BTBD16: variants seen among roughly 807,000 people sequenced by gnomAD.
BTBD16 encodes BTB/POZ domain-containing protein 16.
A neutral mutation model predicts 67.4 loss-of-function variants in BTBD16; 66 were observed. The observed-to-expected ratio is 0.98, with a 90% CI of 0.80 to 1.20. The LOEUF (loss-of-function observed/expected upper bound fraction) is 1.20. Among genes scored for constraint, BTBD16 ranks in the 50% most tolerant of loss-of-function variants. The pLI, the probability that BTBD16 is intolerant of heterozygous loss-of-function variation, is 0.00. For missense variants in BTBD16, 634 were observed against 616.0 expected, an observed-to-expected ratio of 1.03 and a Z score of -0.31; for synonymous variants, 242 against 236.4, an observed-to-expected ratio of 1.02 and a Z score of -0.22.
chr10:122,314,752 A>T (rs1031746798), intron 10 of BTBD16, among the ~76,000 whole-genome samples: 1 of 152,108 alleles, frequency 6.6e-6, no homozygotes, highest in Non-Finnish European at 1.5e-5. Context: ...TAGACTGTAC[A>T]TTCTCTTGTA....
chr10:122,337,460 CGTTTT>C (rs1171225146), intron 15 of BTBD16, among the ~76,000 whole-genome samples: 6 of 151,840 alleles, frequency 4.0e-5, no homozygotes, highest in African/African-American at 1.2e-4. Context: ...TTTTTTTGTT[CGTTTT>C]GTTTTGTTTT....
chr10:122,329,565 A>G lies in BTBD16; in HGVS notation c.997A>G (p.Thr333Ala). 1.2e-6 allele frequency: 2 copies of G among 1,613,612 alleles called. No individual in the cohort carries two copies. The highest frequency in any genetic ancestry group is 2.2e-5 in the East Asian group (1 of 44,878). The change falls in exon 11 of 16, where the codon ACC (threonine) becomes GCC (alanine). Residue 333 changes from threonine to alanine, a missense_variant. Transcript: ENST00000260723. ...CCTCTGCTTGCGTCTGCACGGCATC[A>G]CCAAAGGTAAGCCCCAGTCCAGGCG... ...LFLCLRLHGI[T>A]KGKDLEVLRH...
At chr10:122,288,539 C>T (rs1305532946) in intron 5 of BTBD16, among the ~76,000 whole-genome samples, 2 of 152,126 alleles carry the variant, frequency 1.3e-5, no homozygotes, top group East Asian at 1.9e-4. Flanking sequence ...CCATGTGCTG[C>T]GTTCATTCAG....
Position 122,325,116 on chromosome 10 carries a change from G to C in BTBD16, c.912-4364G>C, listed in dbSNP as rs188198403. Among the ~76,000 whole-genome samples the C allele has an allele frequency of 4.3e-4, 66 of 152,354 alleles. 1 individual carries two copies. In the South Asian group the frequency reaches 7.0e-3, roughly 16 times the overall value. The stretch of plus-strand genomic sequence containing the variant: ...ACTGGCCTGTATGTGCAGCAAGTGT[G>C]TGTGAGCATGTGCACCAGGGCTGGC... On this transcript the variant is annotated intron_variant, in intron 10 of 15. Coordinates refer to ENST00000260723, the MANE Select transcript of BTBD16 (RefSeq NM_144587.5).
intron 15 of BTBD16, 45 bp downstream of exon 15, chr10:122,336,727 T>G (rs771836327): frequency 6.7e-7 from 1 of 1,499,712 alleles, no homozygotes; most frequent in South Asian, 1.4e-5. Context: ...TTTTGCTCTT[T>G]CTCTCCCCCA....
chr10:122,273,348 T>C lies in BTBD16; in HGVS notation c.-42-1692T>C, dbSNP rs547796117. 2.0e-5 allele frequency among the ~76,000 whole-genome samples: 3 copies of C among 152,016 alleles called. No individual in the cohort carries two copies. The South Asian group carries it at 6.2e-4, about 32-fold the overall frequency. On this transcript the variant is annotated intron_variant, in intron 1 of 15. Transcript: ENST00000260723. ...ACTGCCATAATAATGTGTATGCATATTGTTCCCATTGTTTTTATTATGGGA... is the reference window on the plus strand; with the variant it reads ...ACTGCCATAATAATGTGTATGCATACTGTTCCCATTGTTTTTATTATGGGA...
chr10:122,302,203 T>C (rs942057231), intron 9 of BTBD16, among the ~76,000 whole-genome samples: 11 of 152,226 alleles, frequency 7.2e-5, no homozygotes, highest in Non-Finnish European at 2.9e-5. Context: ...CTTCAGCTTT[T>C]GCTTTCCATT....
At chr10:122,318,219 G>T (rs2096429561) in intron 10 of BTBD16, among the ~76,000 whole-genome samples, 1 of 152,042 alleles carries the variant, frequency 6.6e-6, no homozygotes, top group African/African-American at 2.4e-5. Context: ...TATATAGAAT[G>T]TTATATAAAT....
chr10:122,326,221 A>G (rs7088976), intron 10 of BTBD16, among the ~76,000 whole-genome samples: 2,813 of 152,240 alleles, frequency 0.018, 53 homozygotes, highest in African/African-American at 0.056. Flanking sequence ...AATTTTTCCC[A>G]TGTGAACCAT....
chr10:122,331,247 C>T lies in BTBD16; in HGVS notation c.1075C>T (p.His359Tyr), dbSNP rs1241845742. ...ATGGCTCGACCAGGTTACAGTCAAC[C>T]ATTACCACGCAGTGAGTTGCCTGCT... ...ESWLDQVTVNHYHALENGGDM... is the reference protein window; with the variant it reads ...ESWLDQVTVNYYHALENGGDM... The change falls in exon 12 of 16, where the codon CAT (histidine) becomes TAT (tyrosine). Residue 359 changes from histidine to tyrosine, a missense_variant. Transcript: ENST00000260723. 1.9e-6 allele frequency: 3 copies of T among 1,613,700 alleles called. No individual in the cohort carries two copies. The Admixed American group carries it at 5.0e-5, about 27-fold the overall frequency.
intron 13 of BTBD16, among the ~76,000 whole-genome samples, chr10:122,334,194 C>CTT (rs71301565): frequency 1.4e-4 from 13 of 93,132 alleles, no homozygotes; most frequent in Non-Finnish European, 2.0e-4. Context: ...GTCCTCTTGA[C>CTT]TTTTTTTTTT....
intron 5 of BTBD16, among the ~76,000 whole-genome samples, chr10:122,289,139 A>G (rs2096369188): frequency 6.6e-6 from 1 of 152,164 alleles, no homozygotes; most frequent in Admixed American, 6.5e-5. Context: ...GGGACACCTC[A>G]GTCCCATGTT....
intron 5 of BTBD16, among the ~76,000 whole-genome samples, chr10:122,289,287 G>A (rs181047551): frequency 9.9e-4 from 151 of 152,274 alleles, no homozygotes; most frequent in African/African-American, 3.5e-3. Flanking sequence ...TCATAAATAT[G>A]TAAAATGCAG....
chr10:122,287,196 C>T (rs993337204), intron 5 of BTBD16, among the ~76,000 whole-genome samples: 3 of 152,204 alleles, frequency 2.0e-5, no homozygotes, highest in Non-Finnish European at 2.9e-5. Flanking sequence ...GCTCATGAGC[C>T]TCTGTGCTCT....
At position 122,332,528 on chromosome 10, in the gene BTBD16, A is replaced by G. The variant is rs1488995278; in HGVS notation, c.1164+15A>G. ...TCTTTAACCAGGTACTGAGAACTGT[A>G]CCCGAACAAGGGGAAGAACTGTTCC... On this transcript the variant is annotated intron_variant, in intron 13 of 15. Coordinates refer to ENST00000260723, the MANE Select transcript of BTBD16 (RefSeq NM_144587.5). The G allele has an allele frequency of 6.2e-7, 1 of 1,607,376 alleles. No homozygotes were observed. Among genetic ancestry groups the G allele is most frequent in the Non-Finnish European group, 8.5e-7 (1 of 1,174,174 alleles).
chr10:122,337,928 C>A, intron 15 of BTBD16, 89 bp from the exon 16 acceptor site: 2 of 1,085,766 alleles, frequency 1.8e-6, no homozygotes, highest in Non-Finnish European at 2.7e-6. Flanking sequence ...GCATTTTCTA[C>A]AACTGTTAGT....
At chr10:122,316,033 G>A (rs1203868491) in intron 10 of BTBD16, among the ~76,000 whole-genome samples, 10 of 152,114 alleles carry the variant, frequency 6.6e-5, no homozygotes, top group African/African-American at 1.2e-4. Context: ...TTGGGAAGCC[G>A]AGGCAGGCAG....
intron 7 of BTBD16, among the ~76,000 whole-genome samples, chr10:122,292,673 A>C (rs1349408905): frequency 6.6e-6 from 1 of 152,220 alleles, no homozygotes; most frequent in East Asian, 1.9e-4. Flanking sequence ...CTCAAGGACA[A>C]CTTCTTAGGC....
intron 1 of BTBD16, among the ~76,000 whole-genome samples, chr10:122,272,773 A>G (rs1381566441): frequency 3.9e-5 from 6 of 152,142 alleles, no homozygotes; most frequent in Admixed American, 6.6e-5. Flanking sequence ...CAAATGATAC[A>G]CTTCTGCAGC....
Sources: allele counts gnomAD v4.1 joint callset (sites outside exome capture counted in the v4.1 genomes callset), GRCh38; gene constraint gnomAD v4.1.1; transcripts MANE v1.5; gene names NCBI Gene and HGNC (gene_info 2026-07-23, HGNC 2026-07-21).